IL1RAPL2: variants seen among roughly 807,000 people sequenced by gnomAD.
IL1RAPL2 encodes X-linked interleukin-1 receptor accessory protein-like 2.
In IL1RAPL2, 3 loss-of-function variants were observed where a neutral mutation model predicts 44.1. The ratio of observed to expected loss-of-function variants is 0.07; its 90% confidence interval spans 0.03 to 0.18. The LOEUF (loss-of-function observed/expected upper bound fraction) is 0.18, where lower values mean the gene tolerates loss of function less well. Ranked by LOEUF, IL1RAPL2 falls within the 10% of genes least tolerant of loss-of-function variation. The pLI is 1.00. For missense variants in IL1RAPL2, 391 were observed against 496.4 expected, an observed-to-expected ratio of 0.79 and a Z score of 2.02; for synonymous variants, 181 against 178.8, an observed-to-expected ratio of 1.01 and a Z score of -0.10.
At chrX:105,373,124 C>T (rs928666262) in intron 5 of IL1RAPL2, among the ~76,000 whole-genome samples, 8 of 112,817 alleles carry the variant, frequency 7.1e-5, no homozygotes, top group Admixed American at 4.7e-4. Context: ...AACTAATTTA[C>T]ATTCCCACCA....
intron 5 of IL1RAPL2, among the ~76,000 whole-genome samples, chrX:105,324,575 C>T (rs2034921393): frequency 9.0e-6 from 1 of 111,451 alleles, no homozygotes; most frequent in Non-Finnish European, 1.9e-5. Context: ...TCTATCACCA[C>T]TGATTTAAAA....
intron 2 of IL1RAPL2, among the ~76,000 whole-genome samples, chrX:104,920,990 A>G (rs1400624472): frequency 9.0e-6 from 1 of 110,860 alleles, no homozygotes; most frequent in Non-Finnish European, 1.9e-5. Flanking sequence ...GTATTGTGAG[A>G]TACCAGGACT....
chrX:105,356,271 T>C (rs2035202347), intron 5 of IL1RAPL2, among the ~76,000 whole-genome samples: 1 of 110,423 alleles, frequency 9.1e-6, no homozygotes, highest in African/African-American at 3.3e-5. Flanking sequence ...TTTCACTTTA[T>C]CCAAAAGTTA....
At chrX:105,549,000 C>T (rs746836037) in intron 6 of IL1RAPL2, among the ~76,000 whole-genome samples, 1 of 111,839 alleles carries the variant, frequency 8.9e-6, no homozygotes, top group Non-Finnish European at 1.9e-5. Flanking sequence ...GAAGATCATC[C>T]ATAAATTCAA....
chrX:105,024,441 A>G (rs776381846), intron 2 of IL1RAPL2, among the ~76,000 whole-genome samples: 1 of 111,503 alleles, frequency 9.0e-6, no homozygotes, highest in South Asian at 3.8e-4. Context: ...AGCTATGATA[A>G]CTATCGAGCA....
intron 2 of IL1RAPL2, among the ~76,000 whole-genome samples, chrX:104,710,971 T>TA (rs1320804213): frequency 1.8e-5 from 2 of 111,030 alleles, no homozygotes; most frequent in Non-Finnish European, 1.9e-5. Flanking sequence ...CTTCTACCTA[T>TA]AAAAAAAAGT....
At chrX:104,770,879 T>A (rs867904671) in intron 2 of IL1RAPL2, among the ~76,000 whole-genome samples, 22 of 111,829 alleles carry the variant, frequency 2.0e-4, no homozygotes, top group African/African-American at 6.5e-4. Context: ...TTTCCTGATC[T>A]TCTCCTTCCT....
At chrX:104,716,712 C>T (rs1238723476) in intron 2 of IL1RAPL2, among the ~76,000 whole-genome samples, 1 of 111,419 alleles carries the variant, frequency 9.0e-6, no homozygotes, top group African/African-American at 3.3e-5. Flanking sequence ...CAAATTAAAA[C>T]CACAATGAGA....
intron 2 of IL1RAPL2, among the ~76,000 whole-genome samples, chrX:105,033,106 G>T (rs187563885): frequency 3.6e-5 from 4 of 110,830 alleles, no homozygotes; most frequent in Admixed American, 1.9e-4. Flanking sequence ...TTATTTTGTG[G>T]CTATGTGTGT....
At chrX:105,106,981 A>C (rs2032750418) in intron 2 of IL1RAPL2, among the ~76,000 whole-genome samples, 1 of 111,996 alleles carries the variant, frequency 8.9e-6, no homozygotes, top group African/African-American at 3.2e-5. Flanking sequence ...AGGAGAACAC[A>C]GACTCATACA....
intron 5 of IL1RAPL2, among the ~76,000 whole-genome samples, chrX:105,374,945 CAAAA>C (rs149097097): frequency 9.6e-4 from 28 of 29,112 alleles, no homozygotes; most frequent in Non-Finnish European, 1.9e-3. Context: ...GACTCCATCT[CAAAA>C]AAAAAAAAAA....
At chrX:104,826,402 T>C (rs182989506) in intron 2 of IL1RAPL2, among the ~76,000 whole-genome samples, 1,167 of 112,065 alleles carry the variant, frequency 0.01, 14 homozygotes, top group Non-Finnish European at 0.015. Context: ...GGTTGTTCAG[T>C]TTCCAACTAG....
intron 2 of IL1RAPL2, among the ~76,000 whole-genome samples, chrX:104,890,747 T>C (rs1047609333): frequency 1.5e-4 from 17 of 112,059 alleles, no homozygotes; most frequent in African/African-American, 5.5e-4. Flanking sequence ...ATTCTATAGG[T>C]TGCCTGTTCA....
At chrX:104,666,096 A>AGTGTGTGT (rs775436800) in intron 2 of IL1RAPL2, among the ~76,000 whole-genome samples, 1 of 106,176 alleles carries the variant, frequency 9.4e-6, no homozygotes, top group Non-Finnish European at 2.0e-5. Context: ...TAACCTTAAA[A>AGTGTGTGT]GTGTGTGTGT....
At chrX:104,829,550 C>G (rs1921552736) in intron 2 of IL1RAPL2, among the ~76,000 whole-genome samples, 2 of 112,569 alleles carry the variant, frequency 1.8e-5, no homozygotes, top group Middle Eastern at 4.6e-3. Context: ...TCACTGAGAG[C>G]TGCAGCCAGA....
chrX:104,702,734 T>C (rs995509884), intron 2 of IL1RAPL2, among the ~76,000 whole-genome samples: 1 of 111,212 alleles, frequency 9.0e-6, no homozygotes, highest in African/African-American at 3.3e-5. Context: ...TGTGTGTGTG[T>C]GTATAGAGTC....
chrX:105,751,931 T>G (rs2038600321), intron 9 of IL1RAPL2, among the ~76,000 whole-genome samples: 2 of 112,139 alleles, frequency 1.8e-5, no homozygotes, highest in Non-Finnish European at 3.8e-5. Flanking sequence ...CATATGCTTT[T>G]TCTTCATGCT....
intron 2 of IL1RAPL2, among the ~76,000 whole-genome samples, chrX:104,746,578 C>T (rs1397088201): frequency 1.8e-5 from 2 of 111,830 alleles, no homozygotes; most frequent in African/African-American, 3.2e-5. Flanking sequence ...TGATTTTCTA[C>T]GTCTCTGTCT....
intron 2 of IL1RAPL2, among the ~76,000 whole-genome samples, chrX:104,788,923 A>G (rs924014426): frequency 8.9e-6 from 1 of 111,815 alleles, no homozygotes; most frequent in Non-Finnish European, 1.9e-5. Context: ...AATGCCTCTG[A>G]GTTCTAATCC....
Sources: allele counts gnomAD v4.1 joint callset (sites outside exome capture counted in the v4.1 genomes callset), GRCh38; gene constraint gnomAD v4.1.1; transcripts MANE v1.5; gene names NCBI Gene and HGNC (gene_info 2026-07-23, HGNC 2026-07-21).